N4BP2L2: variants seen among roughly 807,000 people sequenced by gnomAD.
N4BP2L2 encodes the protein NEDD4 binding protein 2 like 2.
N4BP2L2 carries 50 observed loss-of-function variants against 56.2 expected under a neutral mutation model. The ratio of observed to expected loss-of-function variants is 0.89; its 90% confidence interval spans 0.71 to 1.13. N4BP2L2 has a LOEUF of 1.13. Ranked by LOEUF, N4BP2L2 falls within the 50% of genes most tolerant of loss-of-function variation. N4BP2L2 has a pLI of 0.00. For missense variants in N4BP2L2, 689 were observed against 693.8 expected, an observed-to-expected ratio of 0.99 and a Z score of 0.08; for synonymous variants, 203 against 223.6, an observed-to-expected ratio of 0.91 and a Z score of 0.82.
chr13:32,538,709 G>A, exon 1 of N4BP2L2: 1 of 985,464 alleles, frequency 1.0e-6, no homozygotes, highest in Non-Finnish European at 1.2e-6. Flanking sequence ...GAAAAGCGGA[G>A]ACAGCACTAA....
At chr13:32,447,594 A>C (rs991137272) in intron 6 of N4BP2L2, among the ~76,000 whole-genome samples, 1 of 152,230 alleles carries the variant, frequency 6.6e-6, no homozygotes, top group African/African-American at 2.4e-5. Flanking sequence ...AAAAGTCTGC[A>C]AGATATGGGT....
chr13:32,488,486 T>A (rs1229647343), intron 6 of N4BP2L2, among the ~76,000 whole-genome samples: 1 of 152,158 alleles, frequency 6.6e-6, no homozygotes, highest in Non-Finnish European at 1.5e-5. Flanking sequence ...AACCTCAGCA[T>A]CACACAATAT....
exon 6 of N4BP2L2, chr13:32,513,002 A>C (rs1442701027): frequency 6.6e-6 from 1 of 152,110 alleles, no homozygotes; most frequent in Non-Finnish European, 1.5e-5. Flanking sequence ...ACTGGACTCC[A>C]GCCTGGGCAA....
chr13:32,534,571 G>A (rs542268576), intron 2 of N4BP2L2, among the ~76,000 whole-genome samples: 1 of 152,110 alleles, frequency 6.6e-6, no homozygotes, highest in Admixed American at 6.5e-5. Context: ...CCTCACTAAA[G>A]TAAAAGGAAT....
chr13:32,537,921 T>C (rs561954141), intron 1 of N4BP2L2, among the ~76,000 whole-genome samples: 1 of 151,952 alleles, frequency 6.6e-6, no homozygotes, highest in African/African-American at 2.4e-5. Flanking sequence ...ATACAATAAA[T>C]TAGCCGGGCA....
chr13:32,438,804 A>AC, intron 7 of N4BP2L2: 1 of 1,113,376 alleles, frequency 9.0e-7, no homozygotes, highest in Non-Finnish European at 1.3e-6. Context: ...AACTGTGAAG[A>AC]CATGCAAACC....
chr13:32,500,376 T>G (rs1323451265), intron 6 of N4BP2L2, among the ~76,000 whole-genome samples: 2 of 152,064 alleles, frequency 1.3e-5, no homozygotes, highest in Non-Finnish European at 2.9e-5. Flanking sequence ...TCTAAATAAC[T>G]TCTACTTCAG....
intron 8 of N4BP2L2, among the ~76,000 whole-genome samples, chr13:32,436,860 C>CTAA (rs1555233049): frequency 1.5e-5 from 2 of 131,636 alleles, no homozygotes; most frequent in African/African-American, 5.8e-5. Context: ...TATCTAATAT[C>CTAA]TATCTATTTA....
At chr13:32,533,626 T>C (rs2055660404) in intron 2 of N4BP2L2, among the ~76,000 whole-genome samples, 1 of 149,290 alleles carries the variant, frequency 6.7e-6, no homozygotes, top group African/African-American at 2.5e-5. Flanking sequence ...GCCTCCCAAG[T>C]AGCTGGGATA....
rs187398902 is a variant in N4BP2L2, at chr13:32,435,183, T to C, written c.*21+1178A>G. ...CATAAATTCCATGAGGGCAGGGGTG[T>C]TTTTACTGCTATATCTTCAGTGTCT... is the stretch of plus-strand genomic sequence containing the variant. On this transcript the variant is annotated intron_variant, in intron 9 of 9. Coordinates refer to the N4BP2L2 transcript ENST00000357505. Among the ~76,000 whole-genome samples the C allele has an allele frequency of 1.9e-3, 295 of 152,284 alleles. 1 individual carries two copies. The highest frequency in any genetic ancestry group is 2.5e-3 in the Non-Finnish European group (170 of 68,026).
chr13:32,479,901 A>G (rs915670839), intron 6 of N4BP2L2, among the ~76,000 whole-genome samples: 2 of 151,914 alleles, frequency 1.3e-5, no homozygotes, highest in African/African-American at 4.8e-5. Flanking sequence ...AGAGAGACAG[A>G]GACACAGAGT....
At chr13:32,522,306 A>G (rs886763358) in intron 3 of N4BP2L2, 36 bp from the exon 4 acceptor site, 2 of 1,333,498 alleles carry the variant, frequency 1.5e-6, no homozygotes, top group Non-Finnish European at 2.1e-6. Flanking sequence ...TAAAAAAACA[A>G]ATTAGGTTAA....
intron 6 of N4BP2L2, among the ~76,000 whole-genome samples, chr13:32,471,669 T>C (rs893170358): frequency 2.6e-5 from 4 of 151,964 alleles, no homozygotes; most frequent in African/African-American, 4.8e-5. Context: ...TGTGTGGGAG[T>C]GGCAGGAGCT....
chr13:32,449,226 G>C (rs948853752), intron 6 of N4BP2L2, among the ~76,000 whole-genome samples: 1 of 152,120 alleles, frequency 6.6e-6, no homozygotes, highest in Non-Finnish European at 1.5e-5. Context: ...GGGTTTATTC[G>C]CAAGTCTGTT....
intron 6 of N4BP2L2, among the ~76,000 whole-genome samples, chr13:32,471,517 A>G (rs2082286116): frequency 6.6e-6 from 1 of 152,238 alleles, no homozygotes; most frequent in Admixed American, 6.5e-5. Flanking sequence ...CACCCGAAGA[A>G]AGACAGAGAG....
At chr13:32,474,864 G>A (rs2082995977) in intron 6 of N4BP2L2, among the ~76,000 whole-genome samples, 1 of 152,174 alleles carries the variant, frequency 6.6e-6, no homozygotes, top group African/African-American at 2.4e-5. Context: ...CCTGTGGGCC[G>A]CTGACAATGG....
intron 2 of N4BP2L2, among the ~76,000 whole-genome samples, chr13:32,534,181 T>C (rs2055870634): frequency 6.6e-6 from 1 of 152,330 alleles, no homozygotes; most frequent in Non-Finnish European, 1.5e-5. Context: ...ATACGAATGG[T>C]ACTTGTTGGT....
chr13:32,493,109 GA>G (rs1347693344), intron 6 of N4BP2L2, among the ~76,000 whole-genome samples: 2 of 151,690 alleles, frequency 1.3e-5, no homozygotes, highest in Non-Finnish European at 2.9e-5. Context: ...ATTTTTAGTA[GA>G]GACGGCGTTT....
In N4BP2L2 at chr13:32,531,220, A is replaced by G. The variant is rs73447382; in HGVS notation, c.1260-3688T>C. Among the ~76,000 whole-genome samples the G allele has an allele frequency of 7.0e-3, 1,062 of 152,334 alleles. 17 individuals carry two copies. Among genetic ancestry groups the G allele is most frequent in the African/African-American group, 0.024 (1,000 of 41,590 alleles). ...AAGGCACCCAGGTAACTATAACCAG[A>G]GTCCAGACCTACAGAAACTACGAGG... is the stretch of plus-strand genomic sequence containing the variant. On this transcript the variant is annotated intron_variant, in intron 2 of 5. Coordinates refer to ENST00000267068, the Ensembl canonical transcript of N4BP2L2.
Sources: allele counts gnomAD v4.1 joint callset (sites outside exome capture counted in the v4.1 genomes callset), GRCh38; gene constraint gnomAD v4.1.1; transcripts MANE v1.5; gene names NCBI Gene and HGNC (gene_info 2026-07-23, HGNC 2026-07-21).